Variants in ANO10 observed in about 807,000 individuals in gnomAD.
The protein encoded by ANO10 is anoctamin 10.
Under a neutral mutation model 74.7 loss-of-function variants are expected in ANO10, and 77 were observed. The ratio of observed to expected loss-of-function variants is 1.03; its 90% CI spans 0.86 to 1.25. ANO10 has a LOEUF of 1.25. Ranked by LOEUF, ANO10 falls within the 50% of genes most tolerant of loss-of-function variation. The probability of loss-of-function intolerance (pLI) is 0.00; values close to 1 mark genes in which losing one functional copy is unlikely to be tolerated. For missense variants in ANO10, 721 were observed against 778.1 expected, an observed-to-expected ratio of 0.93 and a Z score of 0.87; for synonymous variants, 279 against 284.9, an observed-to-expected ratio of 0.98 and a Z score of 0.21.
intron 1 of ANO10, among the ~76,000 whole-genome samples, chr3:43,614,029 A>G (rs1575548669): frequency 6.6e-6 from 1 of 152,174 alleles, no homozygotes; most frequent in Non-Finnish European, 1.5e-5. Flanking sequence ...AAGGTTTCCA[A>G]TCTTGGATAT....
intron 12 of ANO10, among the ~76,000 whole-genome samples, chr3:43,410,333 C>T (rs1575702768): frequency 2.0e-5 from 3 of 152,126 alleles, no homozygotes; most frequent in Admixed American, 2.0e-4. Context: ...TCACGGCATC[C>T]TTGAATTCCC....
At chr3:43,599,467 A>AACT (rs777839244) in intron 3 of ANO10, among the ~76,000 whole-genome samples, 8 of 152,240 alleles carry the variant, frequency 5.3e-5, no homozygotes, top group Non-Finnish European at 1.2e-4. Flanking sequence ...TAAGGTACTG[A>AACT]ACTACTACTG....
At chr3:43,685,656 G>A (rs2084265443) in intron 1 of ANO10, among the ~76,000 whole-genome samples, 1 of 152,268 alleles carries the variant, frequency 6.6e-6, no homozygotes, top group South Asian at 2.1e-4. Context: ...AATGGGTAGG[G>A]ACATTCCCCA....
intron 1 of ANO10, among the ~76,000 whole-genome samples, chr3:43,641,990 T>C (rs765352014): frequency 9.9e-5 from 15 of 152,168 alleles, no homozygotes; most frequent in Non-Finnish European, 2.2e-4. Flanking sequence ...TGTAGACTCA[T>C]GCCATTTCAT....
At chr3:43,492,312 C>T (rs1418134999) in intron 11 of ANO10, among the ~76,000 whole-genome samples, 1 of 152,110 alleles carries the variant, frequency 6.6e-6, no homozygotes, top group Admixed American at 6.6e-5. Context: ...AAGACTTAAA[C>T]GTAAGACCTA....
At chr3:43,416,447 C>T (rs954152386) in intron 12 of ANO10, among the ~76,000 whole-genome samples, 4 of 152,056 alleles carry the variant, frequency 2.6e-5, no homozygotes, top group South Asian at 4.2e-4. Context: ...ATACAAAACT[C>T]AAAAATTTAT....
At chr3:43,572,829 G>T (rs2080803791) in intron 7 of ANO10, among the ~76,000 whole-genome samples, 1 of 152,124 alleles carries the variant, frequency 6.6e-6, no homozygotes, top group East Asian at 1.9e-4. Flanking sequence ...AGTCATTCTA[G>T]AAAGTGAGCA....
At chr3:43,417,871 C>G (rs951292449) in intron 12 of ANO10, among the ~76,000 whole-genome samples, 1 of 152,160 alleles carries the variant, frequency 6.6e-6, no homozygotes, top group African/African-American at 2.4e-5. Context: ...TCCCTCAGCT[C>G]TAAGCTTATA....
intron 3 of ANO10, among the ~76,000 whole-genome samples, chr3:43,599,040 T>G (rs1275841919): frequency 1.3e-5 from 2 of 152,226 alleles, no homozygotes; most frequent in Non-Finnish European, 2.9e-5. Flanking sequence ...TGAAGAAGTT[T>G]GCCTATATGG....
At chr3:43,538,528 T>A (rs2078816209) in intron 11 of ANO10, among the ~76,000 whole-genome samples, 2 of 152,252 alleles carry the variant, frequency 1.3e-5, no homozygotes, top group South Asian at 4.1e-4. Flanking sequence ...CAACAATTAC[T>A]ATGGCAGCTT....
intron 11 of ANO10, among the ~76,000 whole-genome samples, chr3:43,468,700 CTTTTTTTTGTTTTCTTTTTT>C (rs895461587): frequency 1.3e-5 from 2 of 149,768 alleles, no homozygotes; most frequent in Non-Finnish European, 3.0e-5. Context: ...AGTGGGTTTT[CTTTTTTTTGTTTTCTTTTTT>C]TTTTTTTTGA....
chr3:43,555,469 C>T lies in ANO10; in HGVS notation c.1477G>A (p.Gly493Ser). 6.2e-7 allele frequency: 1 copy of T among 1,613,756 alleles called. No individual in the cohort carries two copies. ...ILEKEMGTYL[G>S]TFDDYLELFL... ...AACTCCAAGTAATCATCAAAGGTGC[C>T]CTGAAAATATAAACAAGCATGCATT... is the stretch of plus-strand genomic sequence containing the variant. Residue 493 changes from glycine (G) to serine (S), a missense_variant and splice_region_variant, in exon 10 of 13, where the codon GGC (glycine) becomes AGC (serine). Gly to Ser is a moderately conservative substitution (Grantham distance 56). Transcript: ENST00000292246.
At chr3:43,419,971 T>C (rs1184088471) in intron 12 of ANO10, among the ~76,000 whole-genome samples, 1 of 152,254 alleles carries the variant, frequency 6.6e-6, no homozygotes, top group Non-Finnish European at 1.5e-5. Flanking sequence ...TTTCTTGTTT[T>C]CTACATTCTA....
At chr3:43,552,351 G>A (rs1042788155) in intron 10 of ANO10, among the ~76,000 whole-genome samples, 26 of 151,926 alleles carry the variant, frequency 1.7e-4, no homozygotes, top group African/African-American at 6.0e-4. Flanking sequence ...GGCCAACCTG[G>A]TCAACATAGT....
At chr3:43,392,122 A>ATTAT (rs1553644593) in intron 12 of ANO10, among the ~76,000 whole-genome samples, 1 of 152,120 alleles carries the variant, frequency 6.6e-6, no homozygotes, top group African/African-American at 2.4e-5. Context: ...CTGTCTCCTG[A>ATTAT]TTATTTAACT....
chr3:43,551,937 T>C (rs746315804), intron 10 of ANO10, among the ~76,000 whole-genome samples: 11 of 152,226 alleles, frequency 7.2e-5, no homozygotes, highest in Non-Finnish European at 1.5e-4. Flanking sequence ...TAGTTATTGA[T>C]ATGTTAGGAT....
At chr3:43,560,900 C>A (rs367817952) in intron 9 of ANO10, among the ~76,000 whole-genome samples, 7 of 152,326 alleles carry the variant, frequency 4.6e-5, no homozygotes, top group Middle Eastern at 6.8e-3. Flanking sequence ...AATGCTGCTG[C>A]CTCTTCAGGG....
intron 1 of ANO10, among the ~76,000 whole-genome samples, chr3:43,641,916 C>T (rs2083674127): frequency 6.6e-6 from 1 of 152,114 alleles, no homozygotes; most frequent in Non-Finnish European, 1.5e-5. Flanking sequence ...TTACCACCTA[C>T]CCACCCACCC....
chr3:43,506,605 C>T (rs1057033263), intron 11 of ANO10, among the ~76,000 whole-genome samples: 2 of 152,176 alleles, frequency 1.3e-5, no homozygotes, highest in Middle Eastern at 3.2e-3. Context: ...GACTCAAACT[C>T]CCATCACTCC....
Sources: gnomAD v4.1 joint callset for allele counts (sites outside exome capture counted in the v4.1 genomes callset) on GRCh38, gnomAD v4.1.1 for gene constraint, MANE v1.5 for transcripts, NCBI Gene and HGNC (gene_info 2026-07-23, HGNC 2026-07-21) for gene names.